Variants in PBX3 observed in about 807,000 individuals in gnomAD.
The protein encoded by PBX3 is pre-B-cell leukemia transcription factor 3.
In PBX3, 14 loss-of-function variants were observed where a neutral mutation model predicts 48.5. The observed-to-expected ratio is 0.29, with a 90% CI of 0.19 to 0.45. The LOEUF is 0.45. PBX3 is among the 20% of genes least tolerant of loss of function. PBX3 has a pLI of 1.00. For synonymous variants in PBX3, 210 were observed against 200.3 expected (o/e 1.05, Z -0.41); for missense variants, 386 against 546.7 (o/e 0.71, Z 2.93).
intron 2 of PBX3, among the ~76,000 whole-genome samples, chr9:125,828,020 C>T (rs897704124): frequency 6.6e-6 from 1 of 152,056 alleles, no homozygotes; most frequent in African/African-American, 2.4e-5. Flanking sequence ...TCTTCTGTGT[C>T]CTTATTTGCT....
chr9:125,785,623 C>T (rs536675851), intron 2 of PBX3, among the ~76,000 whole-genome samples: 9 of 152,188 alleles, frequency 5.9e-5, no homozygotes, highest in South Asian at 2.1e-4. Context: ...AGCTTGCAGA[C>T]GGCCTATTGT....
intron 2 of PBX3, among the ~76,000 whole-genome samples, chr9:125,908,528 T>C (rs1380046731): frequency 6.6e-6 from 1 of 151,644 alleles, no homozygotes; most frequent in Non-Finnish European, 1.5e-5. Context: ...AGAGGAGTCA[T>C]TGGTTTCTAT....
At chr9:125,854,873 C>G (rs1054188711) in intron 2 of PBX3, among the ~76,000 whole-genome samples, 1 of 152,122 alleles carries the variant, frequency 6.6e-6, no homozygotes, top group African/African-American at 2.4e-5. Flanking sequence ...AAACTAGTTA[C>G]TGGACTTTTC....
intron 2 of PBX3, among the ~76,000 whole-genome samples, chr9:125,880,460 G>A (rs1045960250): frequency 4.6e-5 from 7 of 152,160 alleles, no homozygotes; most frequent in African/African-American, 1.7e-4. Flanking sequence ...AGCACTTCCA[G>A]TTATTTTCAA....
intron 2 of PBX3, among the ~76,000 whole-genome samples, chr9:125,779,882 C>T (rs1379814243): frequency 4.4e-3 from 530 of 119,826 alleles, no homozygotes; most frequent in African/African-American, 8.5e-3. Flanking sequence ...GCTGGCCGGG[C>T]GGGGGGCTGA....
At chr9:125,769,007 A>T (rs1397457051) in intron 2 of PBX3, among the ~76,000 whole-genome samples, 1 of 152,146 alleles carries the variant, frequency 6.6e-6, no homozygotes, top group Non-Finnish European at 1.5e-5. Flanking sequence ...TGCAACTCAC[A>T]GTTATGCAAG....
At chr9:125,754,101 A>G (rs1449880911) in intron 2 of PBX3, among the ~76,000 whole-genome samples, 1 of 152,128 alleles carries the variant, frequency 6.6e-6, no homozygotes, top group African/African-American at 2.4e-5. Flanking sequence ...AATGCTTAAC[A>G]CATCAGCACT....
At chr9:125,747,886 T>C (rs1487352846) in intron 1 of PBX3, among the ~76,000 whole-genome samples, 1 of 151,544 alleles carries the variant, frequency 6.6e-6, no homozygotes. Context: ...CGGCGCGGAT[T>C]CCGTGGCGTC....
intron 2 of PBX3, among the ~76,000 whole-genome samples, chr9:125,796,208 A>G (rs1021195868): frequency 6.6e-6 from 1 of 152,194 alleles, no homozygotes; most frequent in Admixed American, 6.5e-5. Flanking sequence ...CGCCACAGAA[A>G]GTGGATCTTC....
intron 2 of PBX3, among the ~76,000 whole-genome samples, chr9:125,874,229 G>A (rs1054346569): frequency 6.6e-6 from 1 of 152,006 alleles, no homozygotes; most frequent in Non-Finnish European, 1.5e-5. Flanking sequence ...AGAACATCAG[G>A]ACCAGAGGAT....
intron 2 of PBX3, among the ~76,000 whole-genome samples, chr9:125,854,274 G>A (rs1421223226): frequency 6.6e-6 from 1 of 152,024 alleles, no homozygotes; most frequent in Non-Finnish European, 1.5e-5. Flanking sequence ...TGGGGCTACA[G>A]GTGAACCTCA....
intron 2 of PBX3, among the ~76,000 whole-genome samples, chr9:125,793,943 C>G (rs948377779): frequency 6.6e-6 from 1 of 152,074 alleles, no homozygotes; most frequent in Admixed American, 6.5e-5. Flanking sequence ...TAAAAACATA[C>G]AGAGAGAGTA....
At chr9:125,961,346 G>A (rs1842426889) in intron 6 of PBX3, among the ~76,000 whole-genome samples, 1 of 152,216 alleles carries the variant, frequency 6.6e-6, no homozygotes, top group South Asian at 2.1e-4. Context: ...CTCAGCAGGT[G>A]GCTAGCTGTG....
chr9:125,853,630 G>A (rs1839640738), intron 2 of PBX3, among the ~76,000 whole-genome samples: 1 of 152,164 alleles, frequency 6.6e-6, no homozygotes, highest in African/African-American at 2.4e-5. Flanking sequence ...GTATCCAAGT[G>A]CAAAGTTTAA....
intron 2 of PBX3, among the ~76,000 whole-genome samples, chr9:125,780,568 C>A (rs1208789359): frequency 7.0e-6 from 1 of 142,218 alleles, no homozygotes; most frequent in Admixed American, 6.9e-5. Flanking sequence ...AGAGGGGCTC[C>A]TCACTTCCCA....
chr9:125,867,018 T>G (rs1839998175), intron 2 of PBX3, among the ~76,000 whole-genome samples: 2 of 152,176 alleles, frequency 1.3e-5, no homozygotes, highest in African/African-American at 4.8e-5. Flanking sequence ...GCAATTGTAA[T>G]GGCAAATCTA....
chr9:125,750,925 G>C (rs559353459), intron 2 of PBX3, among the ~76,000 whole-genome samples: 78 of 152,184 alleles, frequency 5.1e-4, no homozygotes, highest in African/African-American at 1.6e-3. Context: ...AATGAGACAG[G>C]GACTCAGAAT....
chr9:125,920,739 C>T (rs573279870), intron 3 of PBX3, among the ~76,000 whole-genome samples: 49 of 152,252 alleles, frequency 3.2e-4, no homozygotes, highest in African/African-American at 1.2e-3. Context: ...TTTCTGAGTT[C>T]GCAGATGTCA....
chr9:125,789,877 T>C (rs1837552091), intron 2 of PBX3, among the ~76,000 whole-genome samples: 1 of 152,200 alleles, frequency 6.6e-6, no homozygotes, highest in Non-Finnish European at 1.5e-5. Context: ...GTGTTTAAAA[T>C]AGGAATCAAT....
Sources: gnomAD v4.1 joint callset for allele counts (sites outside exome capture counted in the v4.1 genomes callset) on GRCh38, gnomAD v4.1.1 for gene constraint, MANE v1.5 for transcripts, NCBI Gene and HGNC (gene_info 2026-07-23, HGNC 2026-07-21) for gene names.